Variants in KMO observed in about 807,000 individuals in gnomAD.
KMO encodes kynurenine 3-monooxygenase, also known as kynurenine 3-hydroxylase.
KMO carries 24 observed loss-of-function variants against 57.8 expected under a neutral mutation model. That is an observed-to-expected ratio of 0.42 (90% CI 0.30 to 0.58). The LOEUF (loss-of-function observed/expected upper bound fraction) is 0.58, where lower values mean the gene tolerates loss of function less well. KMO is among the 20% of genes least tolerant of loss of function. The pLI is 0.22. For missense variants in KMO, 483 were observed against 588.2 expected, an observed-to-expected ratio of 0.82 and a Z score of 1.85; for synonymous variants, 210 against 193.6, an observed-to-expected ratio of 1.08 and a Z score of -0.70.
intron 10 of KMO, among the ~76,000 whole-genome samples, chr1:241,583,594 A>C (rs1184992672): frequency 1.3e-5 from 2 of 152,210 alleles, no homozygotes; most frequent in African/African-American, 2.4e-5. Flanking sequence ...CTGGAGTTGA[A>C]GAAGAGGGTC....
Position 241,568,812 on chromosome 1 carries a change from A to T in KMO, c.957+165A>T, listed in dbSNP as rs567735442. Among the ~76,000 whole-genome samples the T allele has an allele frequency of 5.9e-5, 9 of 152,304 alleles. No individual in the cohort carries two copies. In the South Asian group the frequency reaches 1.2e-3, roughly 21 times the overall value. On this transcript the variant is annotated intron_variant, in intron 10 of 14. Coordinates refer to ENST00000366559, the MANE Select transcript of KMO (RefSeq NM_003679.5). ...TGTAGCTAGATTGATCACTCTAATC[A>T]GAATTTGGTTTAATCAATCCAGTAA... is the stretch of plus-strand genomic sequence containing the variant.
intron 1 of KMO, among the ~76,000 whole-genome samples, chr1:241,539,837 T>C (rs888994834): frequency 2.0e-5 from 3 of 152,080 alleles, no homozygotes; most frequent in Admixed American, 1.3e-4. Context: ...TCAATCCCTT[T>C]TATTCAAAAT....
intron 2 of KMO, among the ~76,000 whole-genome samples, chr1:241,549,308 A>G (rs1036822739): frequency 7.9e-5 from 12 of 151,464 alleles, no homozygotes; most frequent in African/African-American, 2.9e-4. Context: ...GCAAGAAAGA[A>G]AGAGAGAAAG....
chr1:241,541,104 A>G (rs1660942629), intron 1 of KMO, among the ~76,000 whole-genome samples: 1 of 152,148 alleles, frequency 6.6e-6, no homozygotes, highest in Admixed American at 6.6e-5. Flanking sequence ...TGCAGAGTAC[A>G]GATTGAATGC....
chr1:241,548,118 C>T (rs1661219983), intron 1 of KMO, among the ~76,000 whole-genome samples: 1 of 150,962 alleles, frequency 6.6e-6, no homozygotes, highest in South Asian at 2.1e-4. Flanking sequence ...CAGTGTGATT[C>T]TAACTATAGG....
chr1:241,568,192 A>C (rs894863339), intron 9 of KMO, among the ~76,000 whole-genome samples: 5 of 152,246 alleles, frequency 3.3e-5, no homozygotes, highest in African/African-American at 9.6e-5. Flanking sequence ...GCTGCATTTG[A>C]AAATCTCATG....
intron 10 of KMO, among the ~76,000 whole-genome samples, chr1:241,571,864 C>CCT (rs1553349423): frequency 1.0e-5 from 1 of 96,490 alleles, no homozygotes; most frequent in Non-Finnish European, 2.0e-5. Flanking sequence ...ATATTAGTTC[C>CCT]TTTTTTTTTT....
chr1:241,551,689 C>T (rs1468345067), intron 4 of KMO, among the ~76,000 whole-genome samples: 1 of 152,188 alleles, frequency 6.6e-6, no homozygotes, highest in Non-Finnish European at 1.5e-5. Context: ...ATGCACCAAA[C>T]ATCCATCGAC....
intron 10 of KMO, among the ~76,000 whole-genome samples, chr1:241,579,932 C>G (rs1573934545): frequency 6.6e-6 from 1 of 152,180 alleles, no homozygotes; most frequent in Non-Finnish European, 1.5e-5. Flanking sequence ...TTGGTTTGTA[C>G]TGGAGACCGG....
chr1:241,570,881 A>G (rs1021196235), intron 10 of KMO, among the ~76,000 whole-genome samples: 3 of 152,102 alleles, frequency 2.0e-5, no homozygotes, highest in African/African-American at 7.2e-5. Context: ...GGTAATATGG[A>G]CATTTTAACA....
chr1:241,560,570 A>G, intron 5 of KMO, 95 bp from the exon 6 acceptor site: 4 of 879,950 alleles, frequency 4.5e-6, no homozygotes, highest in Non-Finnish European at 7.6e-6. Context: ...ATTCTCTACC[A>G]TACTGTTCCC....
Position 241,549,717 on chromosome 1 carries a change from C to T in KMO, c.165C>T (p.Asn55=), listed in dbSNP as rs772230368. The change falls in exon 3 of 15, where the codon AAC becomes AAT. Residue 55 remains asparagine (N), a synonymous_variant. Transcript: ENST00000366559. ...CCTTCACACGTGGAAGAAGCATTAA[C>T]TTAGCCCTTTCTCATAGAGGACGAC... ...VATFTRGRSI[N]LALSHRGRQA... 15 of 1,613,594 alleles carry T rather than the reference C, an allele frequency of 9.3e-6. No individual in the cohort carries two copies. The East Asian group carries it at 3.1e-4, about 34-fold the overall frequency.
At chr1:241,590,422 G>A in intron 14 of KMO, 159 bp downstream of exon 14, 3 of 592,936 alleles carry the variant, frequency 5.1e-6, no homozygotes, top group Non-Finnish European at 8.8e-6. Context: ...AGGGAACAGT[G>A]CTTACTGAAA....
chr1:241,591,874 CT>C, intron 14 of KMO, 78 bp from the exon 15 acceptor site: 1 of 1,156,566 alleles, frequency 8.6e-7, no homozygotes. Flanking sequence ...TTGTTTACCC[CT>C]TTGTTGTTAA....
Position 241,588,819 on chromosome 1 carries a change from A to G in KMO, c.1087A>G (p.Asn363Asp), listed in dbSNP as rs1383029224. The change falls in exon 12 of 15, where the codon AAT (asparagine) becomes GAT (aspartate). Residue 363 changes from asparagine (N) to aspartate (D), a missense_variant. Transcript: ENST00000366559. ...DHAISDLSMY[N>D]YIEMRAHVNS... is the part of the protein sequence containing the mutation. ...CGCGATTTCAGACCTATCCATGTAC[A>G]ATTACATAGAGGTGAGTGAGAAGGT... 6.2e-6 allele frequency: 10 copies of G among 1,610,230 alleles called. No homozygotes were observed. Among genetic ancestry groups the G allele is most frequent in the Non-Finnish European group, 7.6e-6 (9 of 1,176,686 alleles).
At chr1:241,587,968 A>G (rs1462616011) in intron 11 of KMO, among the ~76,000 whole-genome samples, 3 of 152,128 alleles carry the variant, frequency 2.0e-5, no homozygotes, top group Non-Finnish European at 4.4e-5. Context: ...ACGTGCTTTC[A>G]AAGGCCACCT....
At chr1:241,539,815 T>C (rs1445696601) in intron 1 of KMO, among the ~76,000 whole-genome samples, 2 of 141,232 alleles carry the variant, frequency 1.4e-5, no homozygotes, top group African/African-American at 2.6e-5. Flanking sequence ...GAGCTCGGAA[T>C]TGGCCAGTGT....
chr1:241,544,436 C>G (rs1210148847), intron 1 of KMO, among the ~76,000 whole-genome samples: 1 of 152,200 alleles, frequency 6.6e-6, no homozygotes, highest in Non-Finnish European at 1.5e-5. Context: ...AAGTTAAGGA[C>G]TACGCTTGGA....
rs1053221 is a variant in KMO, at chr1:241,592,265, T to C, written c.*112T>C. ...CACTAGTGGAAGATAGTGTTCTGCT[T>C]ATAATTAAACTGAATGTAGAGTATC... On this transcript the variant is annotated 3_prime_UTR_variant, in exon 15 of 15. Transcript: ENST00000366559. 0.16 allele frequency: 119,450 copies of C among 753,726 alleles called. 10,531 individuals are homozygous for C. The highest frequency in any genetic ancestry group is 0.22 in the East Asian group (8,361 of 37,376). The allele number at this position is 753,726 out of a possible 1,614,324, so 46.7% of individuals were successfully genotyped here. A position where few individuals can be genotyped will look rare whatever the true frequency, so the allele number is the denominator to read the frequency against.
Sources: allele counts gnomAD v4.1 joint callset (sites outside exome capture counted in the v4.1 genomes callset), GRCh38; gene constraint gnomAD v4.1.1; transcripts MANE v1.5; gene names NCBI Gene and HGNC (gene_info 2026-07-23, HGNC 2026-07-21).